The following TBCD variants were observed in gnomAD, a reference collection of about 807,000 sequenced individuals.
TBCD encodes the protein tubulin-specific chaperone D.
Under a neutral mutation model 169.3 loss-of-function variants are expected in TBCD, and 105 were observed. That is an observed-to-expected ratio of 0.62 (90% confidence interval 0.53 to 0.73). TBCD has a LOEUF of 0.73. TBCD is among the 30% of genes least tolerant of loss of function. The pLI is 0.00. For synonymous variants in TBCD, 700 were observed against 643.9 expected (o/e 1.09, Z -1.32); for missense variants, 1,444 against 1,600.1 (o/e 0.90, Z 1.66).
intron 11 of TBCD, 46 bp downstream of exon 11, chr17:82,807,714 T>C: frequency 7.3e-7 from 1 of 1,374,724 alleles, no homozygotes; most frequent in Non-Finnish European, 9.5e-7. Context: ...TGGGCCGGCC[T>C]CTCCTGTGCG....
chr17:82,928,073 C>A, intron 30 of TBCD, 85 bp downstream of exon 30: 1 of 1,272,528 alleles, frequency 7.9e-7, no homozygotes, highest in Non-Finnish European at 1.1e-6. Context: ...TCCTGGTGCT[C>A]AGTGGCATTT....
chr17:82,838,254 A>G (rs1040622864), intron 13 of TBCD, among the ~76,000 whole-genome samples: 1 of 152,124 alleles, frequency 6.6e-6, no homozygotes, highest in African/African-American at 2.4e-5. Context: ...GACAGTTGTT[A>G]GGGTAATAGT....
chr17:82,805,830 G>A (rs1398760559), intron 9 of TBCD, 45 bp from the exon 10 acceptor site: 1 of 1,573,026 alleles, frequency 6.4e-7, no homozygotes, highest in South Asian at 1.1e-5. Flanking sequence ...TCATCAGGAT[G>A]CTGTGAGCTA....
Position 82,920,727 on chromosome 17 carries a change from G to T in TBCD, c.2101+109G>T, listed in dbSNP as rs944970405. ...GGCGATAAACGATTATAGCTTAAAGGTTCAAGATATTAATCGGATACGTTG... is the reference window on the plus strand; with the variant it reads ...GGCGATAAACGATTATAGCTTAAAGTTTCAAGATATTAATCGGATACGTTG... On this transcript the variant is annotated intron_variant, in intron 24 of 38. Transcript: ENST00000355528. This position sits in a 1 kb window ranked among gnomAD's most constrained non-coding sequence, Gnocchi z 4.1. 8.0e-6 allele frequency: 8 copies of T among 1,002,286 alleles called. No homozygotes were observed. The highest frequency in any genetic ancestry group is 1.6e-5 in the African/African-American group (1 of 60,770). The allele number at this position is 1,002,286 out of a possible 1,614,324, so 62.1% of individuals were successfully genotyped here.
rs1946420690 is a variant in TBCD at position 82,943,159 on chromosome 17, TC to T, written c.*697del. 1 of 152,452 alleles carries T rather than the reference TC, an allele frequency of 6.6e-6. No homozygotes were observed. The highest frequency in any genetic ancestry group is 1.5e-5 in the Non-Finnish European group (1 of 68,210). The allele number at this position is 152,452 out of a possible 1,614,324, so 9.4% of individuals were successfully genotyped here. A position where few individuals can be genotyped will look rare whatever the true frequency, so the allele number is the denominator to read the frequency against. Reference sequence around the variant, plus strand: ...TCCAATGTGTGCCTCTACAGTAATGTCGGAAATAAATACCATTCTTGAAATA... The same window carrying T: ...TCCAATGTGTGCCTCTACAGTAATGTGGAAATAAATACCATTCTTGAAATA... On this transcript the variant is annotated 3_prime_UTR_variant, in exon 39 of 39. Coordinates refer to ENST00000355528, the MANE Select transcript of TBCD (RefSeq NM_005993.5).
chr17:82,856,786 G>A lies in TBCD; in HGVS notation c.1319-13438G>A, dbSNP rs1253091787. Among the ~76,000 whole-genome samples the A allele has an allele frequency of 8.2e-5, 12 of 145,562 alleles. No individual in the cohort carries two copies. The South Asian group carries it at 9.2e-4, about 11-fold the overall frequency. ...AGGGCGGGATCGCTGGACCGCGTGCGGACCCTCGCTGCGCATCCAGGGCGG... is the reference window on the plus strand; with the variant it reads ...AGGGCGGGATCGCTGGACCGCGTGCAGACCCTCGCTGCGCATCCAGGGCGG... On this transcript the variant is annotated intron_variant, in intron 13 of 38. Coordinates refer to ENST00000355528, the MANE Select transcript of TBCD (RefSeq NM_005993.5).
intron 7 of TBCD, among the ~76,000 whole-genome samples, chr17:82,786,821 C>CTTTTTTTT (rs71168154): frequency 9.1e-6 from 1 of 110,166 alleles, no homozygotes; most frequent in African/African-American, 3.3e-5. Flanking sequence ...CGGTTCTTTA[C>CTTTTTTTT]TTTTTTTTTT....
chr17:82,804,280 A>G (rs2050792408), intron 9 of TBCD, among the ~76,000 whole-genome samples: 1 of 152,290 alleles, frequency 6.6e-6, no homozygotes, highest in South Asian at 2.1e-4. Context: ...CAGTTACCCT[A>G]CATTACAGTG....
chr17:82,828,232 C>CA (rs1422837079), intron 13 of TBCD, among the ~76,000 whole-genome samples: 20 of 132,334 alleles, frequency 1.5e-4, no homozygotes, highest in African/African-American at 4.2e-4. Flanking sequence ...ATTGAATGCG[C>CA]CCCCCACAGA....
At chr17:82,852,809 G>T (rs907716143) in intron 13 of TBCD, among the ~76,000 whole-genome samples, 6 of 152,346 alleles carry the variant, frequency 3.9e-5, no homozygotes, top group Middle Eastern at 6.8e-3. Flanking sequence ...ACTGTAGGCT[G>T]CTGTGAATAA....
At chr17:82,888,793 A>C (rs1052097367) in intron 15 of TBCD, among the ~76,000 whole-genome samples, 33 of 152,340 alleles carry the variant, frequency 2.2e-4, no homozygotes, top group Middle Eastern at 3.4e-3. Context: ...CCTTGCTCTC[A>C]GGAAGCCCCC....
chr17:82,777,006 T>C (rs564546550), intron 6 of TBCD, among the ~76,000 whole-genome samples: 1 of 152,250 alleles, frequency 6.6e-6, no homozygotes, highest in African/African-American at 2.4e-5. Context: ...CGAGTGTGAG[T>C]TTCCTCCGGT....
intron 13 of TBCD, among the ~76,000 whole-genome samples, chr17:82,824,793 A>G (rs2052697860): frequency 6.6e-6 from 1 of 152,098 alleles, no homozygotes; most frequent in Non-Finnish European, 1.5e-5. Flanking sequence ...TTGGGTATAT[A>G]CCCTGAAGTG....
chr17:82,828,615 C>T (rs1040377078), intron 13 of TBCD, among the ~76,000 whole-genome samples: 2 of 151,088 alleles, frequency 1.3e-5, no homozygotes, highest in South Asian at 2.1e-4. Context: ...CAGGTACGCA[C>T]ACATGCACAC....
intron 26 of TBCD, 40 bp from the exon 27 acceptor site, chr17:82,924,899 C>T (rs2061626829): frequency 1.3e-6 from 2 of 1,499,076 alleles, no homozygotes; most frequent in African/African-American, 1.4e-5. Context: ...ACACGATGGG[C>T]AGCAGAGGGC....
At chr17:82,852,897 C>G (rs983788570) in intron 13 of TBCD, among the ~76,000 whole-genome samples, 2 of 152,038 alleles carry the variant, frequency 1.3e-5, no homozygotes, top group African/African-American at 4.8e-5. Flanking sequence ...TAGGACTGTT[C>G]GGAAAGTTAA....
chr17:82,893,329 A>T (rs1225557752), intron 16 of TBCD: 1 of 555,156 alleles, frequency 1.8e-6, no homozygotes, highest in East Asian at 3.0e-5. Context: ...GAGTGGTTTC[A>T]ATGATTTAGC....
rs1225908008 is a variant in TBCD, at chr17:82,789,393, C to T, written c.771+7672C>T. Among the ~76,000 whole-genome samples the T allele has an allele frequency of 6.6e-6, 1 of 152,232 alleles. No homozygotes were observed. Among genetic ancestry groups the T allele is most frequent in the East Asian group, 1.9e-4 (1 of 5,196 alleles). ...CTGCTCACAGACGTGTGCTCACAGGCAGCCCGTCGCGGGGTCATGTGCTAG... is the reference window on the plus strand; with the variant it reads ...CTGCTCACAGACGTGTGCTCACAGGTAGCCCGTCGCGGGGTCATGTGCTAG... On this transcript the variant is annotated intron_variant, in intron 7 of 38. Transcript: ENST00000355528. This position sits in a 1 kb window ranked among gnomAD's most constrained non-coding sequence, Gnocchi z 4.8.
chr17:82,767,360 A>G (rs908924477), intron 4 of TBCD, among the ~76,000 whole-genome samples: 1 of 152,128 alleles, frequency 6.6e-6, no homozygotes, highest in African/African-American at 2.4e-5. Flanking sequence ...GAATGATTGC[A>G]GGGACAAATT....
Sources: gnomAD v4.1 joint callset for allele counts (sites outside exome capture counted in the v4.1 genomes callset) on GRCh38, gnomAD v4.1.1 for gene constraint, Gnocchi (gnomAD v3.1) non-coding constraint, MANE v1.5 for transcripts, NCBI Gene and HGNC (gene_info 2026-07-23, HGNC 2026-07-21) for gene names.